The following SHANK2 variants were observed in gnomAD, a reference collection of about 807,000 sequenced individuals.
SHANK2 encodes the protein SH3 and multiple ankyrin repeat domains protein 2.
SHANK2 carries 43 observed loss-of-function variants against 133.7 expected under a neutral mutation model. That is an observed-to-expected ratio of 0.32 (90% CI 0.25 to 0.41). The LOEUF (loss-of-function observed/expected upper bound fraction) is 0.41, where lower values mean the gene tolerates loss of function less well. SHANK2 is among the 10% of genes least tolerant of loss of function. SHANK2 has a pLI of 1.00. For synonymous variants in SHANK2, 1,017 were observed against 952.8 expected (o/e 1.07, Z -1.24); for missense variants, 1,994 against 2,235.8 (o/e 0.89, Z 2.18).
At position 70,882,251 on chromosome 11, in the gene SHANK2, C is replaced by T. The variant is rs1465062410; in HGVS notation, c.1174+14250G>A. The stretch of plus-strand genomic sequence containing the variant: ...GAGGAGAGAAGAACGGGTGGCTCTG[C>T]TCGGCCCATTCACCAAGTGTTTCCA... On this transcript the variant is annotated intron_variant, in intron 11 of 25. Coordinates refer to ENST00000601538, the MANE Select transcript of SHANK2 (RefSeq NM_012309.5). This position sits in a 1 kb window ranked among gnomAD's most constrained non-coding sequence, Gnocchi z 4.2. Among the ~76,000 whole-genome samples, 1 of 152,084 alleles carries T rather than the reference C, an allele frequency of 6.6e-6. No homozygotes were observed. Among genetic ancestry groups the T allele is most frequent in the Non-Finnish European group, 1.5e-5 (1 of 68,008 alleles).
At chr11:70,867,371 T>A (rs1473981302) in intron 11 of SHANK2, among the ~76,000 whole-genome samples, 1 of 152,078 alleles carries the variant, frequency 6.6e-6, no homozygotes, top group Non-Finnish European at 1.5e-5. Context: ...CGAGAGCAGG[T>A]CCGGAGGCCA....
chr11:71,067,971 C>CCACCATCATCACCACCACCAT (rs1951089284), intron 9 of SHANK2, among the ~76,000 whole-genome samples: 4 of 151,726 alleles, frequency 2.6e-5, no homozygotes, highest in African/African-American at 9.7e-5. Flanking sequence ...ACCATCCTCA[C>CCACCATCATCACCACCACCAT]CACCATCATC....
chr11:70,679,364 C>A (rs1555017898), intron 15 of SHANK2, among the ~76,000 whole-genome samples: 1 of 152,256 alleles, frequency 6.6e-6, no homozygotes, highest in African/African-American at 2.4e-5. Flanking sequence ...CCTGTTCCCA[C>A]CACCAGCAGC....
intron 10 of SHANK2, among the ~76,000 whole-genome samples, chr11:70,898,273 TAC>T (rs1297387859): frequency 6.2e-5 from 5 of 80,746 alleles, no homozygotes; most frequent in Non-Finnish European, 1.4e-4. Context: ...GCCAAATATA[TAC>T]ACACACGCAC....
In SHANK2 at chr11:70,618,148, T is replaced by G. The variant is rs544870395; in HGVS notation, c.2061+41680A>C. On this transcript the variant is annotated intron_variant, in intron 17 of 25. Transcript: ENST00000601538. ...CCGTCTCTACTAAAAATACAAAAATTAGCCAGACGTGGTGGCACGCCTGTA... is the reference window on the plus strand; with the variant it reads ...CCGTCTCTACTAAAAATACAAAAATGAGCCAGACGTGGTGGCACGCCTGTA... Among the ~76,000 whole-genome samples, 3 of 151,712 alleles carry G rather than the reference T, an allele frequency of 2.0e-5. No homozygotes were observed. In the South Asian group the frequency reaches 6.3e-4, roughly 32 times the overall value.
intron 3 of SHANK2, among the ~76,000 whole-genome samples, chr11:71,127,722 G>C (rs543061987): frequency 1.5e-4 from 23 of 152,312 alleles, no homozygotes; most frequent in African/African-American, 4.8e-4. Context: ...TAACTTTAAT[G>C]TGCATTGGGA....
intron 17 of SHANK2, among the ~76,000 whole-genome samples, chr11:70,564,010 G>A (rs916199972): frequency 5.3e-5 from 8 of 152,140 alleles, no homozygotes; most frequent in Non-Finnish European, 8.8e-5. Context: ...TATGCCTGCT[G>A]TCATCTTTCT....
intron 8 of SHANK2, among the ~76,000 whole-genome samples, chr11:71,090,442 C>CGTGTGTGTGT (rs1181678975): frequency 1.2e-4 from 1 of 8,042 alleles, no homozygotes; most frequent in African/African-American, 4.9e-4. Context: ...AGAAACACTA[C>CGTGTGTGTGT]GTGTGTGTGT....
chr11:71,070,705 C>T lies in SHANK2; in HGVS notation c.1029+4454G>A, dbSNP rs907119707. Among the ~76,000 whole-genome samples the T allele has an allele frequency of 5.2e-5, 8 of 152,384 alleles. No individual in the cohort carries two copies. In the East Asian group the frequency reaches 7.7e-4, roughly 15 times the overall value. ...TTGTAAATAAAGTTTTATTGGAACACGGCTACACTCTGACTTACATACTGT... is the reference window on the plus strand; with the variant it reads ...TTGTAAATAAAGTTTTATTGGAACATGGCTACACTCTGACTTACATACTGT... On this transcript the variant is annotated intron_variant, in intron 9 of 25. Coordinates refer to ENST00000601538, the MANE Select transcript of SHANK2 (RefSeq NM_012309.5).
chr11:70,916,549 A>G (rs782506593), intron 10 of SHANK2, among the ~76,000 whole-genome samples: 51 of 152,164 alleles, frequency 3.4e-4, no homozygotes, highest in African/African-American at 1.2e-3. Flanking sequence ...ACACAGTAGC[A>G]CAGCAAGCTT....
Position 70,486,504 on chromosome 11 carries a change from C to A in SHANK2, c.3789G>T (p.Thr1263=), listed in dbSNP as rs560475504. 22 of 1,613,984 alleles carry A rather than the reference C, an allele frequency of 1.4e-5. No individual in the cohort carries two copies. The highest frequency in any genetic ancestry group is 1.9e-5 in the Non-Finnish European group (22 of 1,180,044). The change falls in exon 25 of 26, where the codon ACG becomes ACT. Residue 1263 remains threonine (T), a synonymous_variant. Transcript: ENST00000601538. The surrounding 1 kb of genome is among the most constrained non-coding windows in gnomAD (Gnocchi z 8.0). ...MRPSLDAGFP[T]VTRQNTRGPL... ...GTCCCCGGGTGTTCTGCCTGGTGACCGTAGGGAAGCCGGCATCCAGGCTGG... is the reference window on the plus strand; with the variant it reads ...GTCCCCGGGTGTTCTGCCTGGTGACAGTAGGGAAGCCGGCATCCAGGCTGG...
chr11:71,133,223 T>TAGGTGGGTGGCTG (rs1555103988), intron 3 of SHANK2, among the ~76,000 whole-genome samples: 2 of 135,588 alleles, frequency 1.5e-5, no homozygotes, highest in African/African-American at 5.4e-5. Flanking sequence ...GGTGGCTGGG[T>TAGGTGGGTGGCTG]GGATGCACAG....
intron 11 of SHANK2, among the ~76,000 whole-genome samples, chr11:70,858,248 T>A (rs1392272012): frequency 3.0e-4 from 45 of 152,216 alleles, no homozygotes; most frequent in Admixed American, 2.9e-3. Flanking sequence ...CACTGCCATG[T>A]TCATATAAAA....
intron 4 of SHANK2, among the ~76,000 whole-genome samples, chr11:71,114,372 G>A (rs559301003): frequency 5.9e-5 from 9 of 152,252 alleles, no homozygotes; most frequent in Admixed American, 2.0e-4. Context: ...ATGATGGTGC[G>A]GGGCAGGTGG....
At chr11:71,119,097 G>A in intron 3 of SHANK2, 65 bp from the exon 4 acceptor site, 1 of 1,449,850 alleles carries the variant, frequency 6.9e-7, no homozygotes, top group Non-Finnish European at 9.4e-7. Context: ...CCCATGTGGG[G>A]CGCGTGGTCA....
intron 8 of SHANK2, among the ~76,000 whole-genome samples, chr11:71,090,089 G>A (rs1951479669): frequency 4.1e-4 from 1 of 2,442 alleles, no homozygotes; most frequent in East Asian, 8.8e-3. Context: ...GACACAGAAC[G>A]TGTGTGTGTG....
At chr11:70,527,762 C>T (rs1448720847) in intron 17 of SHANK2, among the ~76,000 whole-genome samples, 3 of 152,200 alleles carry the variant, frequency 2.0e-5, no homozygotes, top group East Asian at 1.9e-4. Context: ...AGCTGAGCTA[C>T]GAATGTGCCT....
At chr11:70,593,235 C>A (rs141041605) in intron 17 of SHANK2, among the ~76,000 whole-genome samples, 23 of 152,322 alleles carry the variant, frequency 1.5e-4, no homozygotes, top group Admixed American at 1.4e-3. Flanking sequence ...GCAGTCTCCA[C>A]GCAGTTCTGA....
At chr11:70,879,015 G>A (rs1362641498) in intron 11 of SHANK2, among the ~76,000 whole-genome samples, 2 of 152,154 alleles carry the variant, frequency 1.3e-5, no homozygotes, top group African/African-American at 2.4e-5. Flanking sequence ...CTGAGGCTAC[G>A]TATCTTCCTG....
Sources: allele counts gnomAD v4.1 joint callset (sites outside exome capture counted in the v4.1 genomes callset), GRCh38; gene constraint gnomAD v4.1.1; non-coding constraint Gnocchi (gnomAD v3.1); transcripts MANE v1.5; gene names NCBI Gene and HGNC (gene_info 2026-07-23, HGNC 2026-07-21).